Variants in NRG3 observed in about 807,000 individuals in gnomAD.
NRG3 encodes neuregulin 3.
Under a neutral mutation model 66.9 loss-of-function variants are expected in NRG3, and 31 were observed. That is an observed-to-expected ratio of 0.46 (90% CI 0.35 to 0.63). The LOEUF (loss-of-function observed/expected upper bound fraction) is 0.63. Ranked by LOEUF, NRG3 falls within the 20% of genes least tolerant of loss-of-function variation. The pLI is 0.00. For synonymous variants in NRG3, 393 were observed against 359.4 expected, an observed-to-expected ratio of 1.09 and a Z score of -1.06; for missense variants, 910 against 878.9, an observed-to-expected ratio of 1.04 and a Z score of -0.45.
At chr10:82,783,763 G>A (rs777618975) in intron 3 of NRG3, among the ~76,000 whole-genome samples, 12 of 152,100 alleles carry the variant, frequency 7.9e-5, no homozygotes, top group South Asian at 2.1e-4. Flanking sequence ...AATCAATATC[G>A]TGAAAATGGC....
intron 1 of NRG3, among the ~76,000 whole-genome samples, chr10:82,133,068 A>G (rs977745212): frequency 6.6e-6 from 1 of 151,500 alleles, no homozygotes; most frequent in African/African-American, 2.4e-5. Context: ...TATTTCTGCT[A>G]TATTCTTTAT....
intron 2 of NRG3, among the ~76,000 whole-genome samples, chr10:82,457,395 C>T (rs781017131): frequency 9.2e-5 from 14 of 152,106 alleles, no homozygotes; most frequent in Admixed American, 2.0e-4. Flanking sequence ...CAATAGGGTT[C>T]GCGCTCCTTT....
chr10:82,883,963 C>G (rs971589056), intron 4 of NRG3, among the ~76,000 whole-genome samples: 13 of 151,364 alleles, frequency 8.6e-5, no homozygotes, highest in Non-Finnish European at 1.6e-4. Context: ...TTTCCTCTTC[C>G]CCAGCCACAC....
At chr10:82,937,088 C>G (rs549815662) in intron 4 of NRG3, among the ~76,000 whole-genome samples, 3 of 152,170 alleles carry the variant, frequency 2.0e-5, no homozygotes, top group Non-Finnish European at 4.4e-5. Flanking sequence ...GACTACAACA[C>G]TCTTTTAATT....
At chr10:82,598,928 T>C (rs2133377641) in intron 2 of NRG3, among the ~76,000 whole-genome samples, 2 of 152,200 alleles carry the variant, frequency 1.3e-5, no homozygotes, top group African/African-American at 4.8e-5. Flanking sequence ...CGCACACCTG[T>C]AATCCCAGCT....
chr10:82,019,833 T>C (rs2061978059), intron 1 of NRG3, among the ~76,000 whole-genome samples: 1 of 152,134 alleles, frequency 6.6e-6, no homozygotes, highest in South Asian at 2.1e-4. Flanking sequence ...TCTCTTTTTT[T>C]CTTTATTAGT....
At chr10:82,083,773 G>GTT (rs112987235) in intron 1 of NRG3, among the ~76,000 whole-genome samples, 1 of 148,314 alleles carries the variant, frequency 6.7e-6, no homozygotes, top group African/African-American at 2.5e-5. Flanking sequence ...GTTTTTTTTT[G>GTT]TTTTTTTTGT....
rs144821481 is a variant in NRG3 at position 82,909,109 on chromosome 10, TCA to T, written c.1055-42358_1055-42357del. Among the ~76,000 whole-genome samples the T allele has an allele frequency of 9.2e-5, 14 of 152,320 alleles. No individual in the cohort carries two copies. The East Asian group carries it at 2.7e-3, about 29-fold the overall frequency. ...ATGCCTTGCGTAGAAAGACTTAATTTCACTTTTGAACAGATGGCCAGAAACCA... is the reference window on the plus strand; with the variant it reads ...ATGCCTTGCGTAGAAAGACTTAATTTCTTTTGAACAGATGGCCAGAAACCA... On this transcript the variant is annotated intron_variant, in intron 4 of 8. Coordinates refer to ENST00000372141, the MANE Select transcript of NRG3 (RefSeq NM_001010848.4).
intron 2 of NRG3, among the ~76,000 whole-genome samples, chr10:82,493,897 C>T (rs1412385146): frequency 6.6e-6 from 1 of 151,884 alleles, no homozygotes; most frequent in African/African-American, 2.4e-5. Flanking sequence ...AAACTTACAA[C>T]AAAAAACAGC....
At chr10:82,063,106 G>T (rs2064251296) in intron 1 of NRG3, among the ~76,000 whole-genome samples, 1 of 152,110 alleles carries the variant, frequency 6.6e-6, no homozygotes, top group South Asian at 2.1e-4. Flanking sequence ...TGATAGAATG[G>T]AATACCTGGG....
At chr10:82,550,117 G>A (rs190728184) in intron 2 of NRG3, among the ~76,000 whole-genome samples, 4 of 152,266 alleles carry the variant, frequency 2.6e-5, no homozygotes, top group Admixed American at 2.0e-4. Context: ...CTAGTTCAAT[G>A]TGTAATATGA....
At chr10:82,407,044 AG>A (rs1433105907) in intron 2 of NRG3, among the ~76,000 whole-genome samples, 1 of 150,224 alleles carries the variant, frequency 6.7e-6, no homozygotes, top group Non-Finnish European at 1.5e-5. Context: ...ACCTTTTGTA[AG>A]AACCACCCAC....
chr10:82,240,020 G>A (rs554831015), intron 1 of NRG3, among the ~76,000 whole-genome samples: 15 of 152,066 alleles, frequency 9.9e-5, no homozygotes, highest in African/African-American at 3.6e-4. Context: ...CATATTTTAT[G>A]CCTGTTTTGA....
chr10:82,290,352 T>C (rs959608506), intron 1 of NRG3, among the ~76,000 whole-genome samples: 2 of 152,216 alleles, frequency 1.3e-5, no homozygotes, highest in African/African-American at 4.8e-5. Context: ...CATGAAGTTT[T>C]CACATTTTGT....
intron 2 of NRG3, among the ~76,000 whole-genome samples, chr10:82,668,665 A>G (rs2052995006): frequency 6.6e-6 from 1 of 152,220 alleles, no homozygotes; most frequent in African/African-American, 2.4e-5. Context: ...CTCTGTGTAG[A>G]GACTGAGAAG....
At chr10:82,464,892 C>T (rs750050367) in intron 2 of NRG3, among the ~76,000 whole-genome samples, 1 of 152,212 alleles carries the variant, frequency 6.6e-6, no homozygotes, top group Non-Finnish European at 1.5e-5. Context: ...TTCCAGCAGG[C>T]AAGTGCATGC....
intron 2 of NRG3, among the ~76,000 whole-genome samples, chr10:82,725,196 T>G (rs971121291): frequency 5.3e-5 from 8 of 152,224 alleles, no homozygotes; most frequent in Non-Finnish European, 7.3e-5. Flanking sequence ...ATAGGTCTTT[T>G]CTTCCTTCCT....
chr10:81,987,327 C>A (rs910841933), intron 1 of NRG3, among the ~76,000 whole-genome samples: 1 of 152,164 alleles, frequency 6.6e-6, no homozygotes, highest in Non-Finnish European at 1.5e-5. Context: ...TCAGGTGATC[C>A]GCCTGCTTCA....
chr10:82,335,810 A>G (rs1461182546), intron 1 of NRG3, among the ~76,000 whole-genome samples: 3 of 152,212 alleles, frequency 2.0e-5, no homozygotes, highest in East Asian at 3.9e-4. Flanking sequence ...TTTTTGAAAC[A>G]TATCACACTA....
Sources: gnomAD v4.1 joint callset for allele counts (sites outside exome capture counted in the v4.1 genomes callset) on GRCh38, gnomAD v4.1.1 for gene constraint, MANE v1.5 for transcripts, NCBI Gene and HGNC (gene_info 2026-07-23, HGNC 2026-07-21) for gene names.